The following TACR1 variants were observed in gnomAD, a reference collection of about 807,000 sequenced individuals.
The protein encoded by TACR1 is substance-P receptor.
Under a neutral mutation model 35.8 loss-of-function variants are expected in TACR1, and 25 were observed. The ratio of observed to expected loss-of-function variants is 0.70; its 90% CI spans 0.51 to 0.98. The LOEUF is 0.98. Ranked by LOEUF, TACR1 falls within the 50% of genes least tolerant of loss-of-function variation. The pLI is 0.00. For missense variants in TACR1, 478 were observed against 522.9 expected (o/e 0.91, Z 0.84); for synonymous variants, 195 against 206.7 (o/e 0.94, Z 0.48).
At position 75,156,974 on chromosome 2, in the gene TACR1, TCTC is replaced by T. The variant is rs374562752; in HGVS notation, c.390-36209_390-36207del. Among the ~76,000 whole-genome samples, 32 of 152,308 alleles carry T rather than the reference TCTC, an allele frequency of 2.1e-4. 1 individual carries two copies. The East Asian group carries it at 5.6e-3, about 27-fold the overall frequency. ...TCAGCACTATGAAGCTGACAGCTCT[TCTC>T]CTCCCATGATGGAGATGGGAGTCGG... On this transcript the variant is annotated intron_variant, in intron 1 of 4. Coordinates refer to ENST00000305249, the MANE Select transcript of TACR1 (RefSeq NM_001058.4).
At chr2:75,070,531 G>A (rs1672857973) in intron 2 of TACR1, among the ~76,000 whole-genome samples, 1 of 152,114 alleles carries the variant, frequency 6.6e-6, no homozygotes, top group Non-Finnish European at 1.5e-5. Flanking sequence ...TAAGGAAATG[G>A]CCTCCAAAGG....
chr2:75,175,631 C>T (rs371727057), intron 1 of TACR1, among the ~76,000 whole-genome samples: 11 of 152,272 alleles, frequency 7.2e-5, no homozygotes, highest in African/African-American at 2.4e-4. Flanking sequence ...CTTTGACCCT[C>T]CCGCTGACTT....
At chr2:75,165,013 G>T (rs1675104925) in intron 1 of TACR1, among the ~76,000 whole-genome samples, 1 of 152,164 alleles carries the variant, frequency 6.6e-6, no homozygotes, top group Admixed American at 6.5e-5. Flanking sequence ...TGTGTGGAGG[G>T]GTGGATGCAT....
intron 3 of TACR1, among the ~76,000 whole-genome samples, chr2:75,051,833 A>C (rs1472819474): frequency 6.6e-6 from 1 of 152,108 alleles, no homozygotes; most frequent in East Asian, 1.9e-4. Flanking sequence ...ATTATTCTTC[A>C]TGACTGGAGG....
intron 1 of TACR1, among the ~76,000 whole-genome samples, chr2:75,152,549 C>T (rs544950830): frequency 2.6e-5 from 4 of 152,278 alleles, no homozygotes; most frequent in Admixed American, 1.3e-4. Flanking sequence ...TCTTTTTCTT[C>T]CCAGTCTCAG....
In TACR1 at chr2:75,116,681, G is replaced by A. The variant is rs189530079; in HGVS notation, c.584+3893C>T. ...CCCAGCACTTTGGGAGGGCAAGGCC[G>A]GCGGATCACCTGAGGTCAGGAGTTC... On this transcript the variant is annotated intron_variant, in intron 2 of 4. Transcript: ENST00000305249. 4.5e-3 allele frequency among the ~76,000 whole-genome samples: 687 copies of A among 152,250 alleles called. 4 individuals are homozygous for A. Among genetic ancestry groups the A allele is most frequent in the Non-Finnish European group, 7.4e-3 (504 of 68,026 alleles).
At chr2:75,198,208 A>G (rs754204805) in intron 1 of TACR1, among the ~76,000 whole-genome samples, 3 of 152,200 alleles carry the variant, frequency 2.0e-5, no homozygotes, top group Non-Finnish European at 4.4e-5. Flanking sequence ...TGCAGCCTGC[A>G]AGGGTAAAGG....
chr2:75,052,449 T>C (rs1460097621), intron 3 of TACR1, among the ~76,000 whole-genome samples: 1 of 152,076 alleles, frequency 6.6e-6, no homozygotes, highest in African/African-American at 2.4e-5. Flanking sequence ...TAAGACACCA[T>C]GCGATGTAAC....
intron 1 of TACR1, among the ~76,000 whole-genome samples, chr2:75,136,172 C>T (rs1674285517): frequency 6.6e-6 from 1 of 152,178 alleles, no homozygotes; most frequent in African/African-American, 2.4e-5. Flanking sequence ...GGGCACAGCC[C>T]AGCCTCTTCG....
chr2:75,122,013 G>A (rs949988849), intron 1 of TACR1, among the ~76,000 whole-genome samples: 6 of 152,174 alleles, frequency 3.9e-5, no homozygotes, highest in Non-Finnish European at 5.9e-5. Context: ...ATTTTATTCA[G>A]TATGCGCTCA....
intron 1 of TACR1, among the ~76,000 whole-genome samples, chr2:75,160,146 T>C (rs559949507): frequency 4.7e-4 from 71 of 152,096 alleles, no homozygotes; most frequent in Non-Finnish European, 8.7e-4. Context: ...GTTATGTGGA[T>C]AGCCAGGGGA....
intron 2 of TACR1, among the ~76,000 whole-genome samples, chr2:75,091,509 T>A (rs936314371): frequency 2.0e-5 from 3 of 152,134 alleles, no homozygotes; most frequent in Non-Finnish European, 4.4e-5. Flanking sequence ...GGTACTATAA[T>A]ACCCATTTTA....
At chr2:75,161,754 GA>G (rs963156454) in intron 1 of TACR1, among the ~76,000 whole-genome samples, 6 of 151,946 alleles carry the variant, frequency 3.9e-5, no homozygotes, top group African/African-American at 1.2e-4. Context: ...TTTATGAAAC[GA>G]AAATGACTCT....
chr2:75,126,502 T>C (rs2103920563), intron 1 of TACR1, among the ~76,000 whole-genome samples: 1 of 152,234 alleles, frequency 6.6e-6, no homozygotes, highest in South Asian at 2.1e-4. Context: ...CTTCAAGGAA[T>C]AAAGACTTGA....
At chr2:75,128,507 G>A (rs1295509037) in intron 1 of TACR1, among the ~76,000 whole-genome samples, 8 of 152,212 alleles carry the variant, frequency 5.3e-5, no homozygotes, top group Non-Finnish European at 8.8e-5. Flanking sequence ...CAGCAGGTGG[G>A]CCAGACAGTA....
At chr2:75,161,132 T>C (rs1364487984) in intron 1 of TACR1, among the ~76,000 whole-genome samples, 1 of 151,974 alleles carries the variant, frequency 6.6e-6, no homozygotes, top group East Asian at 1.9e-4. Context: ...ATACCATTCC[T>C]GGAAAAATAA....
intron 2 of TACR1, among the ~76,000 whole-genome samples, chr2:75,056,620 TG>T (rs1322727342): frequency 2.0e-5 from 3 of 152,236 alleles, no homozygotes; most frequent in Non-Finnish European, 4.4e-5. Context: ...TGTCCTGATC[TG>T]TTGGCCACAC....
chr2:75,120,881 G>A lies in TACR1; in HGVS notation c.390-113C>T, dbSNP rs555104597. On this transcript the variant is annotated intron_variant, in intron 1 of 4. Coordinates refer to ENST00000305249, the MANE Select transcript of TACR1 (RefSeq NM_001058.4). Reference sequence around the variant, plus strand: ...TCATAGAAACCCTTTGATTCCTGATGATTTGTACAATTATTTTCCAATTCC... The same window carrying A: ...TCATAGAAACCCTTTGATTCCTGATAATTTGTACAATTATTTTCCAATTCC... 3.4e-5 allele frequency: 29 copies of A among 851,626 alleles called. No homozygotes were observed. The South Asian group carries it at 5.6e-4, about 16-fold the overall frequency. 52.8% of individuals were successfully genotyped at this position (851,626 alleles called of 1,614,324 possible). A position where few individuals can be genotyped will look rare whatever the true frequency, so the allele number is the denominator to read the frequency against.
chr2:75,176,387 T>C (rs1209061055), intron 1 of TACR1, among the ~76,000 whole-genome samples: 1 of 151,970 alleles, frequency 6.6e-6, no homozygotes, highest in Non-Finnish European at 1.5e-5. Context: ...CAGGTTCCTC[T>C]CTCGGTTGGA....
Sources: allele counts gnomAD v4.1 joint callset (sites outside exome capture counted in the v4.1 genomes callset), GRCh38; gene constraint gnomAD v4.1.1; transcripts MANE v1.5; gene names NCBI Gene and HGNC (gene_info 2026-07-23, HGNC 2026-07-21).